Variants in PTCHD4 observed in about 807,000 individuals in gnomAD.
The protein encoded by PTCHD4 is patched domain-containing protein 4.
In PTCHD4, 33 loss-of-function variants were observed where a neutral mutation model predicts 58.1. The ratio of observed to expected loss-of-function variants is 0.57; its 90% CI spans 0.43 to 0.76. The LOEUF (loss-of-function observed/expected upper bound fraction) is 0.76, where lower values mean the gene tolerates loss of function less well. PTCHD4 is among the 30% of genes least tolerant of loss of function. PTCHD4 has a pLI of 0.00. For synonymous variants in PTCHD4, 478 were observed against 409.6 expected (o/e 1.17, Z -2.02); for missense variants, 1,058 against 1,027.1 (o/e 1.03, Z -0.41).
chr6:48,099,930 G>A (rs139795614), intron 1 of PTCHD4, among the ~76,000 whole-genome samples: 12 of 152,318 alleles, frequency 7.9e-5, no homozygotes, highest in Middle Eastern at 3.4e-3. Context: ...AGCAATTTCA[G>A]TTACTGGCCA....
At chr6:47,939,994 T>G (rs1472235092) in intron 4 of PTCHD4, among the ~76,000 whole-genome samples, 1 of 152,090 alleles carries the variant, frequency 6.6e-6, no homozygotes, top group Non-Finnish European at 1.5e-5. Flanking sequence ...TTTGGTGATT[T>G]AGACATACAT....
At chr6:48,026,342 A>C (rs1763246163) in intron 3 of PTCHD4, among the ~76,000 whole-genome samples, 1 of 152,108 alleles carries the variant, frequency 6.6e-6, no homozygotes, top group Admixed American at 6.6e-5. Flanking sequence ...TCAAACCCTT[A>C]CTAACGATAT....
intron 4 of PTCHD4, among the ~76,000 whole-genome samples, chr6:48,000,901 A>C (rs950827503): frequency 6.6e-6 from 1 of 151,934 alleles, no homozygotes; most frequent in Admixed American, 6.6e-5. Flanking sequence ...ATTTCTTTTT[A>C]ATGCAAAATC....
At chr6:47,964,182 T>G (rs1337554790) in intron 4 of PTCHD4, among the ~76,000 whole-genome samples, 2 of 152,190 alleles carry the variant, frequency 1.3e-5, no homozygotes, top group Non-Finnish European at 2.9e-5. Context: ...TGCTGTTCAA[T>G]GGGTATGAAG....
At chr6:47,896,259 T>C (rs925410967) in intron 4 of PTCHD4, among the ~76,000 whole-genome samples, 2 of 152,220 alleles carry the variant, frequency 1.3e-5, no homozygotes, top group African/African-American at 4.8e-5. Flanking sequence ...ACAAATGTGG[T>C]CCAGTCAGTA....
intron 1 of PTCHD4, among the ~76,000 whole-genome samples, chr6:48,096,003 G>A (rs1266422326): frequency 1.3e-5 from 2 of 152,118 alleles, no homozygotes; most frequent in Non-Finnish European, 2.9e-5. Context: ...TGTTGGTACT[G>A]TGCCAGGCTA....
chr6:47,928,893 A>T (rs1267232259), intron 4 of PTCHD4, among the ~76,000 whole-genome samples: 1 of 152,216 alleles, frequency 6.6e-6, no homozygotes, highest in African/African-American at 2.4e-5. Context: ...ATAACCTATC[A>T]TAATGGTGCT....
chr6:47,896,998 C>A (rs1764546716), intron 4 of PTCHD4, among the ~76,000 whole-genome samples: 3 of 152,278 alleles, frequency 2.0e-5, no homozygotes, highest in Non-Finnish European at 2.9e-5. Context: ...ATGTCAGTAC[C>A]TGGCACTCAG....
rs1763935095 is a variant in PTCHD4, at chr6:47,879,041, G to T, written c.1794C>A (p.Ser598Arg). The T allele has an allele frequency of 6.2e-7, 1 of 1,613,470 alleles. No homozygotes were observed. Among genetic ancestry groups the T allele is most frequent in the Non-Finnish European group, 8.5e-7 (1 of 1,179,750 alleles). ...GATACAAGCGAGAAGCAATGATATT[G>T]CTTTCATCCCCTGCCTTGGAGAAGA... ...DIIFSKAGDE[S>R]NIIASRLYLV... The change falls in exon 5 of 5, where the codon AGC becomes AGA. Residue 598 changes from serine (S) to arginine (R), a missense_variant. By Grantham distance (110) the Ser-to-Arg change is moderately radical. Transcript: ENST00000339488.
At chr6:47,998,251 C>T (rs576555978) in intron 4 of PTCHD4, among the ~76,000 whole-genome samples, 36 of 152,188 alleles carry the variant, frequency 2.4e-4, no homozygotes, top group Admixed American at 8.5e-4. Flanking sequence ...GAAGTACCTG[C>T]CATATTATTA....
chr6:48,080,487 T>G (rs913850036), intron 1 of PTCHD4, among the ~76,000 whole-genome samples: 1 of 152,232 alleles, frequency 6.6e-6, no homozygotes, highest in East Asian at 1.9e-4. Context: ...TAAAATTTAG[T>G]GTAGTCTTTA....
At chr6:48,012,486 G>A (rs181817442) in intron 3 of PTCHD4, among the ~76,000 whole-genome samples, 9 of 152,258 alleles carry the variant, frequency 5.9e-5, no homozygotes, top group Admixed American at 5.2e-4. Context: ...GAGACAGTGG[G>A]ATTTTCTAAA....
chr6:47,929,931 C>T (rs964412705), intron 4 of PTCHD4, among the ~76,000 whole-genome samples: 9 of 152,312 alleles, frequency 5.9e-5, no homozygotes, highest in African/African-American at 2.2e-4. Flanking sequence ...GACACCTGCT[C>T]TTTGTTCTAC....
chr6:47,994,945 A>C (rs550492422), intron 4 of PTCHD4, among the ~76,000 whole-genome samples: 10 of 152,234 alleles, frequency 6.6e-5, no homozygotes, highest in South Asian at 2.1e-4. Context: ...TAACACAACC[A>C]AAAAGAAAAA....
intron 4 of PTCHD4, among the ~76,000 whole-genome samples, chr6:47,988,764 A>G (rs1322689660): frequency 6.6e-6 from 1 of 152,184 alleles, no homozygotes; most frequent in African/African-American, 2.4e-5. Flanking sequence ...GCCATGTGGA[A>G]CTGTAAGGCC....
chr6:47,983,687 C>A (rs1362634761), intron 4 of PTCHD4, among the ~76,000 whole-genome samples: 1 of 152,072 alleles, frequency 6.6e-6, no homozygotes, highest in African/African-American at 2.4e-5. Context: ...TAGTAAATTA[C>A]CGATGACCTT....
At chr6:47,967,334 T>A (rs1767331343) in intron 4 of PTCHD4, among the ~76,000 whole-genome samples, 1 of 152,214 alleles carries the variant, frequency 6.6e-6, no homozygotes, top group African/African-American at 2.4e-5. Context: ...GAAACTGTCA[T>A]AAACAGATAT....
At chr6:48,095,032 T>C (rs546083938) in intron 1 of PTCHD4, among the ~76,000 whole-genome samples, 3 of 152,268 alleles carry the variant, frequency 2.0e-5, no homozygotes, top group Admixed American at 6.5e-5. Context: ...TATAAAGATG[T>C]AGGACAGATT....
chr6:48,032,486 C>T (rs1456323592), intron 3 of PTCHD4, among the ~76,000 whole-genome samples: 1 of 151,570 alleles, frequency 6.6e-6, no homozygotes, highest in Non-Finnish European at 1.5e-5. Flanking sequence ...GGGACATTTC[C>T]AAAATTCTAA....
Sources: allele counts gnomAD v4.1 joint callset (sites outside exome capture counted in the v4.1 genomes callset), GRCh38; gene constraint gnomAD v4.1.1; transcripts MANE v1.5; gene names NCBI Gene and HGNC (gene_info 2026-07-23, HGNC 2026-07-21).